PLXNA2: variants seen among roughly 807,000 people sequenced by gnomAD.
The protein encoded by PLXNA2 is plexin-A2.
PLXNA2 carries 91 observed loss-of-function variants against 193.5 expected under a neutral mutation model. The observed-to-expected ratio is 0.47, with a 90% confidence interval of 0.40 to 0.56. The LOEUF (loss-of-function observed/expected upper bound fraction) is 0.56. PLXNA2 is among the 20% of genes least tolerant of loss of function. PLXNA2 has a pLI of 0.00. For synonymous variants in PLXNA2, 997 were observed against 1,027.3 expected (o/e 0.97, Z 0.56); for missense variants, 1,995 against 2,503.2 (o/e 0.80, Z 4.33).
At chr1:208,157,274 A>C (rs1208831886) in intron 3 of PLXNA2, among the ~76,000 whole-genome samples, 1 of 151,478 alleles carries the variant, frequency 6.6e-6, no homozygotes, top group African/African-American at 2.4e-5. Context: ...ATGTGTTTCT[A>C]CTCCCTTTAT....
Position 208,038,099 on chromosome 1 carries a change from T to G in PLXNA2, c.4764+272A>C, listed in dbSNP as rs553907269. On this transcript the variant is annotated intron_variant, in intron 26 of 31. Coordinates refer to ENST00000367033, the MANE Select transcript of PLXNA2 (RefSeq NM_025179.4). The surrounding 1 kb of genome is among the most constrained non-coding windows in gnomAD (Gnocchi z 4.1). ...TTGTTTTGTTTTGTTTTTTTGCAAA[T>G]GTAGAGGTACACAGAATAGAAATGC... Among the ~76,000 whole-genome samples, 1 of 152,304 alleles carries G rather than the reference T, an allele frequency of 6.6e-6. No homozygotes were observed. The highest frequency in any genetic ancestry group is 2.1e-4 in the South Asian group (1 of 4,822).
chr1:208,238,596 C>T (rs529552807), intron 1 of PLXNA2, among the ~76,000 whole-genome samples: 1 of 152,290 alleles, frequency 6.6e-6, no homozygotes, highest in Admixed American at 6.5e-5. Context: ...CTGGACTCTG[C>T]TGTCTCTCAA....
rs148993386 is a variant in PLXNA2 at position 208,211,420 on chromosome 1, A to G, written c.1189-958T>C. ...AGTGAAAAAAAAATTGTGGCCGGGC[A>G]CGGTGGCTCACGCCTGTAATCCCAG... On this transcript the variant is annotated intron_variant, in intron 2 of 31. Coordinates refer to ENST00000367033, the MANE Select transcript of PLXNA2 (RefSeq NM_025179.4). Among the ~76,000 whole-genome samples the G allele has an allele frequency of 4.5e-3, 679 of 152,316 alleles. 7 individuals carry two copies. Among genetic ancestry groups the G allele is most frequent in the African/African-American group, 0.015 (630 of 41,586 alleles).
intron 4 of PLXNA2, among the ~76,000 whole-genome samples, chr1:208,135,823 G>A (rs992474572): frequency 7.9e-5 from 12 of 152,144 alleles, no homozygotes; most frequent in African/African-American, 2.9e-4. Flanking sequence ...CTTAATGTGT[G>A]TTCATGGACC....
At position 208,098,976 on chromosome 1, in the gene PLXNA2, T is replaced by C. The variant is rs1459156887; in HGVS notation, c.1608-7A>G. The C allele has an allele frequency of 3.1e-6, 5 of 1,612,652 alleles. No homozygotes were observed. Among genetic ancestry groups the C allele is most frequent in the Non-Finnish European group, 3.4e-6 (4 of 1,179,908 alleles). ...TTTGTCCCTGCGGGAGCACCTGCCATAAACACAGATTCACAAGAGGTCAGG... is the reference window on the plus strand; with the variant it reads ...TTTGTCCCTGCGGGAGCACCTGCCACAAACACAGATTCACAAGAGGTCAGG... On this transcript the variant is annotated splice_polypyrimidine_tract_variant and splice_region_variant and intron_variant, in intron 5 of 31. Transcript: ENST00000367033.
In PLXNA2 at chr1:208,243,878, C is replaced by A. The variant is rs1672145064; in HGVS notation, c.-316G>T. The A allele has an allele frequency of 6.6e-6, 1 of 152,404 alleles. No homozygotes were observed. The highest frequency in any genetic ancestry group is 2.4e-5 in the African/African-American group (1 of 41,466). The allele number at this position is 152,404 out of a possible 1,614,324, so 9.4% of individuals were successfully genotyped here. A position where few individuals can be genotyped will look rare whatever the true frequency, so the allele number is the denominator to read the frequency against. ...CCGCGCGCCCCTCAGTCCTCCGTCGCCCCGCAGCAGCCCGGCTGGGCGCTG... is the reference window on the plus strand; with the variant it reads ...CCGCGCGCCCCTCAGTCCTCCGTCGACCCGCAGCAGCCCGGCTGGGCGCTG... On this transcript the variant is annotated 5_prime_UTR_variant, in exon 1 of 32. Coordinates refer to ENST00000367033, the MANE Select transcript of PLXNA2 (RefSeq NM_025179.4).
chr1:208,242,608 C>G (rs994809749), intron 1 of PLXNA2, among the ~76,000 whole-genome samples: 1 of 152,200 alleles, frequency 6.6e-6, no homozygotes, highest in Non-Finnish European at 1.5e-5. Context: ...TCATGGGGCT[C>G]TCATTTCTAG....
intron 27 of PLXNA2, among the ~76,000 whole-genome samples, chr1:208,033,993 C>T (rs997381812): frequency 2.0e-5 from 3 of 152,152 alleles, no homozygotes; most frequent in African/African-American, 7.2e-5. Flanking sequence ...GGTTGAGAAG[C>T]CCAAGGCCTT....
intron 1 of PLXNA2, among the ~76,000 whole-genome samples, chr1:208,226,154 G>A (rs752173258): frequency 2.0e-5 from 3 of 152,240 alleles, no homozygotes; most frequent in East Asian, 3.9e-4. Context: ...TTTGGGATGC[G>A]AATTAGGATG....
chr1:208,145,528 T>C (rs1283676592), intron 3 of PLXNA2, among the ~76,000 whole-genome samples: 1 of 152,246 alleles, frequency 6.6e-6, no homozygotes, highest in Non-Finnish European at 1.5e-5. Context: ...TCCCAGAGCC[T>C]GGGCACTTGC....
chr1:208,122,119 C>A (rs553074357), intron 4 of PLXNA2, among the ~76,000 whole-genome samples: 5 of 152,174 alleles, frequency 3.3e-5, no homozygotes, highest in Non-Finnish European at 7.3e-5. Flanking sequence ...GACAAACAGA[C>A]TTCTAAACAG....
chr1:208,044,702 C>T lies in PLXNA2; in HGVS notation c.3680G>A (p.Ser1227Asn). 6.2e-7 allele frequency: 1 copy of T among 1,614,110 alleles called. No homozygotes were observed. Among genetic ancestry groups the T allele is most frequent in the Non-Finnish European group, 8.5e-7 (1 of 1,180,034 alleles). ...GGMVFSPGSV[S>N]VISDSLLTLP... ...GGTCAGCAAGCTGTCTGAGATGACA[C>T]TCACCGAGCCAGGCGAGAACACCAT... Residue 1227 changes from serine to asparagine, a missense_variant, in exon 20 of 32, where the codon AGT becomes AAT. Physicochemically the swap from Ser to Asn is conservative, Grantham distance 46. Coordinates refer to ENST00000367033, the MANE Select transcript of PLXNA2 (RefSeq NM_025179.4). This position sits in a 1 kb window ranked among gnomAD's most constrained non-coding sequence, Gnocchi z 4.9.
rs750896552 is a variant in PLXNA2, at chr1:208,243,625, G to C, written c.-81+18C>G. ...AGGGCGCTGCCGACTCCGAGCGCCCGGCCCAGCCGCCGCTTACCCAGCTCG... is the reference window on the plus strand; with the variant it reads ...AGGGCGCTGCCGACTCCGAGCGCCCCGCCCAGCCGCCGCTTACCCAGCTCG... On this transcript the variant is annotated intron_variant, in intron 1 of 31. Transcript: ENST00000367033. 1 of 152,072 alleles carries C rather than the reference G, an allele frequency of 6.6e-6. No individual in the cohort carries two copies. Among genetic ancestry groups the C allele is most frequent in the African/African-American group, 2.4e-5 (1 of 41,416 alleles). 9.4% of individuals were successfully genotyped at this position (152,072 alleles called of 1,614,324 possible).
rs148555577 is a variant in PLXNA2, at chr1:208,096,009, C to G, written c.1982+20G>C. 352 of 1,586,376 alleles carry G rather than the reference C, an allele frequency of 2.2e-4. 2 individuals are homozygous for G. The African/African-American group carries it at 3.3e-3, about 15-fold the overall frequency. On this transcript the variant is annotated intron_variant, in intron 8 of 31. Transcript: ENST00000367033. ...CCCACATCCAGACCCAGAGCAAGAC[C>G]CTTTCTAATAAGCACTTACAGTTGG...
At chr1:208,198,004 T>A (rs1670413019) in intron 3 of PLXNA2, among the ~76,000 whole-genome samples, 1 of 152,170 alleles carries the variant, frequency 6.6e-6, no homozygotes, top group Non-Finnish European at 1.5e-5. Context: ...AGGATGCCAT[T>A]TTCTATCAAG....
intron 17 of PLXNA2, among the ~76,000 whole-genome samples, chr1:208,050,533 A>G (rs1665222741): frequency 6.6e-6 from 1 of 152,242 alleles, no homozygotes; most frequent in Non-Finnish European, 1.5e-5. Flanking sequence ...TGTCATTATA[A>G]TATAAAAATC....
chr1:208,179,214 T>C (rs1669761519), intron 3 of PLXNA2, among the ~76,000 whole-genome samples: 1 of 152,152 alleles, frequency 6.6e-6, no homozygotes, highest in Non-Finnish European at 1.5e-5. Context: ...ATCCTCGCCA[T>C]TGAAGCTGGT....
At chr1:208,052,001 C>T (rs758456483) in intron 15 of PLXNA2, among the ~76,000 whole-genome samples, 13 of 152,108 alleles carry the variant, frequency 8.5e-5, no homozygotes, top group African/African-American at 2.4e-4. Context: ...ATGCAATCTC[C>T]GTGTTTTTCA....
chr1:208,188,822 A>G (rs1371230098), intron 3 of PLXNA2, among the ~76,000 whole-genome samples: 1 of 152,230 alleles, frequency 6.6e-6, no homozygotes, highest in Non-Finnish European at 1.5e-5. Context: ...TGCAATGTGT[A>G]AAGTTGGATC....
Sources: gnomAD v4.1 joint callset for allele counts (sites outside exome capture counted in the v4.1 genomes callset) on GRCh38, gnomAD v4.1.1 for gene constraint, Gnocchi (gnomAD v3.1) non-coding constraint, MANE v1.5 for transcripts, NCBI Gene and HGNC (gene_info 2026-07-23, HGNC 2026-07-21) for gene names.